The following DENND1B variants were observed in gnomAD, a reference collection of about 807,000 sequenced individuals.
The protein encoded by DENND1B is DENN domain containing 1B.
A neutral mutation model predicts 90.1 loss-of-function variants in DENND1B; 59 were observed. The observed-to-expected ratio is 0.65, with a 90% confidence interval of 0.53 to 0.81. The LOEUF is 0.81. DENND1B is among the 40% of genes least tolerant of loss of function. The pLI is 0.00. For synonymous variants in DENND1B, 337 were observed against 324.6 expected, an observed-to-expected ratio of 1.04 and a Z score of -0.41; for missense variants, 862 against 912.6, an observed-to-expected ratio of 0.94 and a Z score of 0.71.
intron 15 of DENND1B, among the ~76,000 whole-genome samples, chr1:197,576,622 G>A (rs1302986519): frequency 6.6e-6 from 1 of 152,146 alleles, no homozygotes; most frequent in Non-Finnish European, 1.5e-5. Context: ...ATGTATAAAT[G>A]TTTTGGAAAA....
intron 13 of DENND1B, 38 bp from the exon 14 acceptor site, chr1:197,595,371 G>T (rs1180062612): frequency 6.2e-7 from 1 of 1,605,200 alleles, no homozygotes; most frequent in South Asian, 1.1e-5. Context: ...TAACACCTCA[G>T]AAATTGGTAC....
At chr1:197,777,212 G>A (rs748782194), upstream of DENND1B, among the ~76,000 whole-genome samples, 2 of 152,102 alleles carry the variant, frequency 1.3e-5, no homozygotes, top group Non-Finnish European at 2.9e-5. Flanking sequence ...CCTACTTGGG[G>A]TGACCATATT....
intron 5 of DENND1B, among the ~76,000 whole-genome samples, chr1:197,662,721 T>A (rs1397901481): frequency 6.6e-6 from 1 of 152,164 alleles, no homozygotes; most frequent in Non-Finnish European, 1.5e-5. Context: ...AGCCTTTTAA[T>A]AAACATGTTC....
At chr1:197,741,350 C>T (rs984777393) in intron 2 of DENND1B, among the ~76,000 whole-genome samples, 2 of 152,092 alleles carry the variant, frequency 1.3e-5, no homozygotes, top group Non-Finnish European at 2.9e-5. Context: ...GGGTTTAAAG[C>T]GATTACAATG....
intron 18 of DENND1B, among the ~76,000 whole-genome samples, chr1:197,544,856 G>GGAAGAAA (rs1300468958): frequency 7.9e-6 from 1 of 126,960 alleles, no homozygotes; most frequent in Admixed American, 8.4e-5. Flanking sequence ...AGAGGAAGAA[G>GGAAGAAA]AGGAAGGAGG....
At chr1:197,582,801 A>G (rs1380301207) in intron 15 of DENND1B, among the ~76,000 whole-genome samples, 1 of 123,106 alleles carries the variant, frequency 8.1e-6, no homozygotes, top group African/African-American at 2.5e-5. Flanking sequence ...TCCTATCAAA[A>G]TACAGTTTGT....
At chr1:197,713,817 A>ATAATATATTATATATAATATATTATAT (rs1558433001) in intron 3 of DENND1B, among the ~76,000 whole-genome samples, 2 of 66,674 alleles carry the variant, frequency 3.0e-5, no homozygotes, top group African/African-American at 1.2e-4. Context: ...TATATTATAT[A>ATAATATATTATATATAATATATTATAT]TAATATATTA....
rs138008260 is a variant in DENND1B at position 197,619,229 on chromosome 1, G to A, written c.673-1470C>T. ...TAGAGCCTACAATATGCCACTAGGA[G>A]GCATTCAAATACTTCCATTTAACAA... On this transcript the variant is annotated intron_variant, in intron 10 of 22. Transcript: ENST00000620048. 5.3e-3 allele frequency among the ~76,000 whole-genome samples: 804 copies of A among 151,224 alleles called. 8 individuals carry two copies. The highest frequency in any genetic ancestry group is 0.018 in the African/African-American group (749 of 41,366).
At chr1:197,652,174 C>T in intron 7 of DENND1B, 61 bp downstream of exon 7, 1 of 1,412,222 alleles carries the variant, frequency 7.1e-7, no homozygotes, top group Non-Finnish European at 9.9e-7. Flanking sequence ...GGTACACGTG[C>T]TCTTAACGAA....
At chr1:197,724,954 A>C (rs752138431) in intron 2 of DENND1B, among the ~76,000 whole-genome samples, 2 of 152,154 alleles carry the variant, frequency 1.3e-5, no homozygotes, top group Non-Finnish European at 2.9e-5. Flanking sequence ...AAAGAGGTTA[A>C]GAAAAATGGA....
intron 6 of DENND1B, among the ~76,000 whole-genome samples, chr1:197,656,972 CA>C (rs1653896893): frequency 6.6e-6 from 1 of 151,946 alleles, no homozygotes; most frequent in Non-Finnish European, 1.5e-5. Flanking sequence ...TAGAAGAAAA[CA>C]TATGAAGAAA....
At chr1:197,726,025 T>C (rs1053216624) in intron 2 of DENND1B, among the ~76,000 whole-genome samples, 3 of 151,868 alleles carry the variant, frequency 2.0e-5, no homozygotes, top group Non-Finnish European at 2.9e-5. Flanking sequence ...CACATATATA[T>C]ACACACATAT....
intron 15 of DENND1B, among the ~76,000 whole-genome samples, chr1:197,562,612 T>C (rs139099455): frequency 6.6e-6 from 1 of 151,852 alleles, no homozygotes; most frequent in African/African-American, 2.4e-5. Flanking sequence ...GTGTCCTGAC[T>C]GCTCCACTGA....
intron 20 of DENND1B, among the ~76,000 whole-genome samples, chr1:197,535,393 T>C (rs912256484): frequency 2.6e-5 from 4 of 152,194 alleles, no homozygotes; most frequent in African/African-American, 9.7e-5. Context: ...CCAAACCCTA[T>C]ACAAACTATG....
At chr1:197,527,556 A>G (rs1020179218) in intron 20 of DENND1B, among the ~76,000 whole-genome samples, 1 of 152,128 alleles carries the variant, frequency 6.6e-6, no homozygotes, top group African/African-American at 2.4e-5. Flanking sequence ...TGCTGGGATT[A>G]CAGGCATGAG....
chr1:197,642,868 G>A (rs750622977), intron 9 of DENND1B, 47 bp from the exon 10 acceptor site: 42 of 1,374,442 alleles, frequency 3.1e-5, no homozygotes, highest in Non-Finnish European at 3.9e-5. Context: ...CATAGTGAAT[G>A]TGAAGAAAAA....
At chr1:197,514,511 T>C (rs185663733) in intron 20 of DENND1B, among the ~76,000 whole-genome samples, 3 of 151,806 alleles carry the variant, frequency 2.0e-5, no homozygotes, top group Admixed American at 2.0e-4. Context: ...CTTTTAGAGC[T>C]ATAACTTGAA....
At chr1:197,662,830 A>T (rs1218164395) in intron 5 of DENND1B, among the ~76,000 whole-genome samples, 1 of 152,086 alleles carries the variant, frequency 6.6e-6, no homozygotes, top group African/African-American at 2.4e-5. Context: ...ACTGAAGCAA[A>T]TTCTATCTTC....
chr1:197,567,852 A>C (rs1429759550), intron 15 of DENND1B, among the ~76,000 whole-genome samples: 1 of 152,168 alleles, frequency 6.6e-6, no homozygotes, highest in African/African-American at 2.4e-5. Context: ...CAGCTAATAT[A>C]ATAGTCAATG....
Sources: allele counts gnomAD v4.1 joint callset (sites outside exome capture counted in the v4.1 genomes callset), GRCh38; gene constraint gnomAD v4.1.1; transcripts MANE v1.5; gene names NCBI Gene and HGNC (gene_info 2026-07-23, HGNC 2026-07-21).